Variants in ITGB3 observed in about 807,000 individuals in gnomAD.
ITGB3 encodes integrin beta-3.
Under a neutral mutation model 85.8 loss-of-function variants are expected in ITGB3, and 48 were observed. The ratio of observed to expected loss-of-function variants is 0.56; its 90% CI spans 0.44 to 0.71. The LOEUF is 0.71. ITGB3 is among the 30% of genes least tolerant of loss of function. The pLI is 0.00. For synonymous variants in ITGB3, 363 were observed against 395.6 expected, an observed-to-expected ratio of 0.92 and a Z score of 0.98; for missense variants, 861 against 1,019.1, an observed-to-expected ratio of 0.84 and a Z score of 2.11.
At chr17:47,308,631 T>C (rs2065199761) in intron 14 of ITGB3, among the ~76,000 whole-genome samples, 1 of 152,164 alleles carries the variant, frequency 6.6e-6, no homozygotes. Context: ...GCCTCCCAAG[T>C]AACTGGATTA....
chr17:47,253,917 C>A lies in ITGB3; in HGVS notation c.56C>A (p.Ala19Glu). Residue 19 changes from alanine (A) to glutamate (E), a missense_variant, in exon 1 of 15, where the codon GCG becomes GAG. Ala to Glu is a moderately radical substitution (Grantham distance 107). Transcript: ENST00000559488. ...PLWATVLALG[A>E]LAGVGVGGPN... The stretch of plus-strand genomic sequence containing the variant: ...TGGGCGACTGTGCTGGCGCTGGGGG[C>A]GCTGGCGGGCGTTGGCGTAGGAGGT... 2.1e-6 allele frequency: 3 copies of A among 1,410,554 alleles called. No homozygotes were observed. The highest frequency in any genetic ancestry group is 2.8e-6 in the Non-Finnish European group (3 of 1,076,234). The allele number at this position is 1,410,554 out of a possible 1,614,324, so 87.4% of individuals were successfully genotyped here.
chr17:47,287,347 G>C (rs2065106581), intron 6 of ITGB3, 116 bp downstream of exon 6: 1 of 1,218,492 alleles, frequency 8.2e-7, no homozygotes, highest in Non-Finnish European at 1.2e-6. Flanking sequence ...CAGGGTGCAG[G>C]GCTCGGTTCC....
At chr17:47,274,056 C>T (rs2143067517) in intron 1 of ITGB3, among the ~76,000 whole-genome samples, 1 of 152,304 alleles carries the variant, frequency 6.6e-6, no homozygotes, top group South Asian at 2.1e-4. Context: ...GATACATTGC[C>T]ATTTTTCTGG....
intron 1 of ITGB3, among the ~76,000 whole-genome samples, chr17:47,272,707 CT>C (rs2065049515): frequency 7.3e-6 from 1 of 137,900 alleles, no homozygotes; most frequent in Non-Finnish European, 1.6e-5. Context: ...TTCCTTCTTT[CT>C]TTCTTTCTTT....
intron 1 of ITGB3, among the ~76,000 whole-genome samples, chr17:47,270,243 C>A (rs1178914992): frequency 6.6e-6 from 1 of 152,218 alleles, no homozygotes; most frequent in Non-Finnish European, 1.5e-5. Flanking sequence ...CTTCCCTCTT[C>A]TAACCCTTCT....
At chr17:47,256,869 A>T (rs1224571305) in intron 1 of ITGB3, among the ~76,000 whole-genome samples, 1 of 152,158 alleles carries the variant, frequency 6.6e-6, no homozygotes, top group Non-Finnish European at 1.5e-5. Flanking sequence ...CTCCAATCGA[A>T]GCCCTCTGCA....
intron 1 of ITGB3, among the ~76,000 whole-genome samples, chr17:47,256,481 C>G (rs1006210020): frequency 4.0e-5 from 6 of 151,678 alleles, no homozygotes; most frequent in African/African-American, 1.2e-4. Flanking sequence ...ATACCCCCCC[C>G]CCCAACCTCA....
intron 1 of ITGB3, among the ~76,000 whole-genome samples, chr17:47,260,062 A>G (rs771138290): frequency 7.1e-6 from 1 of 140,928 alleles, no homozygotes; most frequent in Non-Finnish European, 1.6e-5. Flanking sequence ...TTCCCCTCGC[A>G]TTTATGTTTA....
intron 2 of ITGB3, among the ~76,000 whole-genome samples, chr17:47,277,341 T>C (rs1039434319): frequency 2.0e-5 from 3 of 152,204 alleles, no homozygotes; most frequent in Non-Finnish European, 2.9e-5. Context: ...TGGATATTTA[T>C]GATAGCAAGT....
chr17:47,294,090 T>C (rs1456020765), intron 10 of ITGB3, among the ~76,000 whole-genome samples: 1 of 152,146 alleles, frequency 6.6e-6, no homozygotes, highest in Non-Finnish European at 1.5e-5. Flanking sequence ...CTGTCAAAAT[T>C]TTAGAGAGAG....
At chr17:47,268,173 C>G (rs556923395) in intron 1 of ITGB3, among the ~76,000 whole-genome samples, 1 of 152,278 alleles carries the variant, frequency 6.6e-6, no homozygotes, top group South Asian at 2.1e-4. Context: ...GTCCCTCCCA[C>G]AACACATGGG....
chr17:47,279,560 T>A (rs1365880428), intron 2 of ITGB3: 3 of 152,238 alleles, frequency 2.0e-5, no homozygotes, highest in Non-Finnish European at 4.4e-5. Context: ...CTAAGGAAAC[T>A]CATAACAAAC....
intron 10 of ITGB3, among the ~76,000 whole-genome samples, chr17:47,296,265 C>A (rs1363181676): frequency 6.6e-6 from 1 of 152,194 alleles, no homozygotes; most frequent in Non-Finnish European, 1.5e-5. Flanking sequence ...GCAGACATTT[C>A]TTTCCATGCC....
In ITGB3 at chr17:47,310,165, C is replaced by T. The variant is rs563420692; in HGVS notation, c.2328C>T (p.Ala776=). Residue 776 remains alanine (A), a synonymous_variant, in exon 15 of 15, where the codon GCC becomes GCT. Coordinates refer to ENST00000559488, the MANE Select transcript of ITGB3 (RefSeq NM_000212.3). ...CCAACAACCCACTGTATAAAGAGGC[C>T]ACGTCTACCTTCACCAATATCACGT... ...DTANNPLYKE[A]TSTFTNITYR... 91 of 1,614,004 alleles carry T rather than the reference C, an allele frequency of 5.6e-5. 1 individual carries two copies. In the South Asian group the frequency reaches 8.9e-4, roughly 16 times the overall value.
In ITGB3 at chr17:47,287,229, A is replaced by T; in HGVS notation, c.937A>T (p.Met313Leu). Residue 313 changes from methionine (M) to leucine (L), a missense_variant and splice_region_variant, in exon 6 of 15, where the codon ATG (methionine) becomes TTG (leucine). By Grantham distance (15) the Met-to-Leu change is conservative (BLOSUM62 2). Coordinates refer to ENST00000559488, the MANE Select transcript of ITGB3 (RefSeq NM_000212.3). ...SDNHYSASTT[M>L]DYPSLGLMTE... The stretch of plus-strand genomic sequence containing the variant: ...CAATCATTACTCTGCCTCCACTACC[A>T]TGGTGAGATCTCTGGCACCACCTAT... 2 of 1,613,754 alleles carry T rather than the reference A, an allele frequency of 1.2e-6. No homozygotes were observed. The highest frequency in any genetic ancestry group is 1.7e-6 in the Non-Finnish European group (2 of 1,179,802).
chr17:47,269,564 G>C (rs971779377), intron 1 of ITGB3, among the ~76,000 whole-genome samples: 1 of 152,132 alleles, frequency 6.6e-6, no homozygotes, highest in Non-Finnish European at 1.5e-5. Flanking sequence ...CTCCTTCTGA[G>C]ACCACCTCAG....
chr17:47,293,287 G>T (rs1482401968), intron 10 of ITGB3, among the ~76,000 whole-genome samples: 1 of 152,106 alleles, frequency 6.6e-6, no homozygotes, highest in East Asian at 1.9e-4. Flanking sequence ...AAATCTTGAG[G>T]CCCACTGATA....
In ITGB3 at chr17:47,311,687, G is replaced by A. The variant is rs2065215472; in HGVS notation, c.*1483G>A. On this transcript the variant is annotated 3_prime_UTR_variant, in exon 15 of 15. Transcript: ENST00000559488. ...TGTGTGGACACATTGGACCTTTCCT[G>A]AGGAAGAGGGACTGTTCTTTTGTCC... 1 of 152,162 alleles carries A rather than the reference G, an allele frequency of 6.6e-6. No homozygotes were observed. The highest frequency in any genetic ancestry group is 2.4e-5 in the African/African-American group (1 of 41,422). 9.4% of individuals were successfully genotyped at this position (152,162 alleles called of 1,614,324 possible).
intron 1 of ITGB3, among the ~76,000 whole-genome samples, chr17:47,266,341 T>G (rs547045426): frequency 1.3e-5 from 2 of 152,350 alleles, no homozygotes; most frequent in African/African-American, 4.8e-5. Flanking sequence ...GGGTGGCCTG[T>G]TCCTACAGTC....
Sources: allele counts gnomAD v4.1 joint callset (sites outside exome capture counted in the v4.1 genomes callset), GRCh38; gene constraint gnomAD v4.1.1; transcripts MANE v1.5; gene names NCBI Gene and HGNC (gene_info 2026-07-23, HGNC 2026-07-21).